Variants in DPYS observed in about 807,000 individuals in gnomAD.
DPYS encodes dihydropyrimidinase, also known as dihydropyrimidine amidohydrolase.
Under a neutral mutation model 50.3 loss-of-function variants are expected in DPYS, and 39 were observed. The observed-to-expected ratio is 0.78, with a 90% CI of 0.60 to 1.01. The LOEUF is 1.01. DPYS is among the 50% of genes least tolerant of loss of function. The pLI is 0.00. For missense variants in DPYS, 659 were observed against 680.9 expected, an observed-to-expected ratio of 0.97 and a Z score of 0.36; for synonymous variants, 245 against 250.7, an observed-to-expected ratio of 0.98 and a Z score of 0.22.
chr8:104,384,720 AT>A (rs1370027146), intron 8 of DPYS, among the ~76,000 whole-genome samples: 1 of 152,232 alleles, frequency 6.6e-6, no homozygotes, highest in Non-Finnish European at 1.5e-5. Flanking sequence ...TATGGTGATA[AT>A]AAAGACTCCA....
intron 7 of DPYS, among the ~76,000 whole-genome samples, chr8:104,398,470 C>T (rs1811662501): frequency 6.6e-6 from 1 of 152,252 alleles, no homozygotes; most frequent in Non-Finnish European, 1.5e-5. Flanking sequence ...CTATGAGCCA[C>T]CCAGTATCCT....
At chr8:104,429,192 C>T (rs1216208501) in intron 5 of DPYS, 1 of 276,420 alleles carries the variant, frequency 3.6e-6, no homozygotes, top group Non-Finnish European at 7.1e-6. Flanking sequence ...CAGGGTTAAC[C>T]TAGTTCCCAT....
intron 7 of DPYS, among the ~76,000 whole-genome samples, chr8:104,406,583 A>G (rs367545279): frequency 1.3e-5 from 2 of 152,274 alleles, no homozygotes; most frequent in East Asian, 3.9e-4. Flanking sequence ...TCAGGTCTTC[A>G]TCTTTCCCTG....
intron 4 of DPYS, among the ~76,000 whole-genome samples, chr8:104,440,563 T>C (rs1448787383): frequency 6.6e-6 from 1 of 151,918 alleles, no homozygotes; most frequent in African/African-American, 2.4e-5. Flanking sequence ...CCTCGACCAG[T>C]CTGGCCAACA....
At position 104,429,426 on chromosome 8, in the gene DPYS, C is replaced by A. The variant is rs1489812215; in HGVS notation, c.950+119G>T. 47 of 1,379,670 alleles carry A rather than the reference C, an allele frequency of 3.4e-5. 1 individual carries two copies. In the South Asian group the frequency reaches 5.1e-4, roughly 15 times the overall value. 85.5% of individuals were successfully genotyped at this position (1,379,670 alleles called of 1,614,324 possible). A position where few individuals can be genotyped will look rare whatever the true frequency, so the allele number is the denominator to read the frequency against. ...CAGGTGAGGGGTACCCAGGACCTGACAGGTCAAGTAGAAGAGAATACTGGG... is the reference window on the plus strand; with the variant it reads ...CAGGTGAGGGGTACCCAGGACCTGAAAGGTCAAGTAGAAGAGAATACTGGG... On this transcript the variant is annotated intron_variant, in intron 5 of 9. Transcript: ENST00000351513.
chr8:104,426,928 G>C lies in DPYS; in HGVS notation c.1092+1052C>G, dbSNP rs372957270. Among the ~76,000 whole-genome samples, 12 of 152,252 alleles carry C rather than the reference G, an allele frequency of 7.9e-5. 1 individual carries two copies. Among genetic ancestry groups the C allele is most frequent in the African/African-American group, 2.9e-4 (12 of 41,556 alleles). On this transcript the variant is annotated intron_variant, in intron 6 of 9. Transcript: ENST00000351513. ...TAAGAAGTGACATCAGGCTGGGCAC[G>C]GTGGCTCACGCCTGTCAATCCCAAC...
intron 7 of DPYS, chr8:104,420,978 C>G (rs1481875010): frequency 6.6e-6 from 1 of 152,178 alleles, no homozygotes; most frequent in Admixed American, 6.5e-5. Context: ...TCATGTGATT[C>G]TAACCAAAAC....
At chr8:104,387,480 G>A (rs79909064) in intron 8 of DPYS, among the ~76,000 whole-genome samples, 1,578 of 152,264 alleles carry the variant, frequency 0.01, 42 homozygotes, top group African/African-American at 0.036. Flanking sequence ...GACTGAGGGA[G>A]CGATATCATA....
intron 4 of DPYS, among the ~76,000 whole-genome samples, chr8:104,437,535 G>A (rs1813192938): frequency 1.3e-5 from 2 of 152,020 alleles, no homozygotes; most frequent in Admixed American, 1.3e-4. Flanking sequence ...TACACAATAT[G>A]GCCTAAAAAA....
intron 7 of DPYS, among the ~76,000 whole-genome samples, chr8:104,401,488 C>T (rs1053811852): frequency 3.3e-5 from 5 of 152,082 alleles, no homozygotes; most frequent in Non-Finnish European, 7.4e-5. Flanking sequence ...CTAGACAATA[C>T]TGCCCCTCGA....
intron 3 of DPYS, among the ~76,000 whole-genome samples, chr8:104,446,187 A>C (rs1813523896): frequency 6.6e-6 from 1 of 152,216 alleles, no homozygotes; most frequent in South Asian, 2.1e-4. Flanking sequence ...ATTCTTATGC[A>C]TTGCAAGCTT....
At chr8:104,388,736 A>G (rs1185126609) in intron 8 of DPYS, among the ~76,000 whole-genome samples, 2 of 152,204 alleles carry the variant, frequency 1.3e-5, no homozygotes, top group African/African-American at 2.4e-5. Flanking sequence ...ACATTTTAAA[A>G]TACATAAATT....
At chr8:104,451,208 G>C in intron 2 of DPYS, 38 bp downstream of exon 2, 1 of 1,612,552 alleles carries the variant, frequency 6.2e-7, no homozygotes, top group Non-Finnish European at 8.5e-7. Context: ...GTGAGGACAA[G>C]AGGACAATGG....
At chr8:104,386,875 G>A (rs1048622290) in intron 8 of DPYS, among the ~76,000 whole-genome samples, 18 of 152,068 alleles carry the variant, frequency 1.2e-4, no homozygotes, top group African/African-American at 4.1e-4. Flanking sequence ...TGATCCACCC[G>A]CTTCAGCATC....
At chr8:104,420,015 A>G (rs1036125091) in intron 7 of DPYS, 3 of 150,656 alleles carry the variant, frequency 2.0e-5, no homozygotes, top group Non-Finnish European at 4.4e-5. Context: ...TGTAAATCTA[A>G]AATATTCTAA....
rs576680557 is a variant in DPYS at position 104,437,855 on chromosome 8, G to C, written c.793+6393C>G. The stretch of plus-strand genomic sequence containing the variant: ...GAAATTTCTGGACATCTAAAATGAA[G>C]AGAAAGTATAAAAATCTTACAGATA... On this transcript the variant is annotated intron_variant, in intron 4 of 9. Coordinates refer to ENST00000351513, the MANE Select transcript of DPYS (RefSeq NM_001385.3). Among the ~76,000 whole-genome samples the C allele has an allele frequency of 4.9e-4, 74 of 152,268 alleles. 1 individual carries two copies. Among genetic ancestry groups the C allele is most frequent in the African/African-American group, 1.7e-3 (70 of 41,564 alleles).
chr8:104,405,521 A>C (rs1367860783), intron 7 of DPYS, among the ~76,000 whole-genome samples: 1 of 152,360 alleles, frequency 6.6e-6, no homozygotes, highest in African/African-American at 2.4e-5. Flanking sequence ...GTGGTGGTGC[A>C]TGCTAACATT....
chr8:104,400,920 G>A (rs145083121), intron 7 of DPYS, among the ~76,000 whole-genome samples: 5 of 152,288 alleles, frequency 3.3e-5, no homozygotes, highest in Non-Finnish European at 7.3e-5. Context: ...TCAAAGAGCC[G>A]CGTGCTCTTA....
intron 8 of DPYS, among the ~76,000 whole-genome samples, chr8:104,385,276 T>A (rs1811175805): frequency 6.6e-6 from 1 of 152,176 alleles, no homozygotes; most frequent in East Asian, 1.9e-4. Flanking sequence ...GAATGGTGCC[T>A]GGTGATCTAC....
Sources: gnomAD v4.1 joint callset for allele counts (sites outside exome capture counted in the v4.1 genomes callset) on GRCh38, gnomAD v4.1.1 for gene constraint, MANE v1.5 for transcripts, NCBI Gene and HGNC (gene_info 2026-07-23, HGNC 2026-07-21) for gene names.